Variants in SGCZ observed in about 807,000 individuals in gnomAD.
The protein encoded by SGCZ is sarcoglycan zeta.
A neutral mutation model predicts 41.3 loss-of-function variants in SGCZ; 40 were observed. That is an observed-to-expected ratio of 0.97 (90% CI 0.75 to 1.26). The LOEUF is 1.26. SGCZ is among the 50% of genes most tolerant of loss of function. The probability of loss-of-function intolerance (pLI) is 0.00; values close to 1 mark genes in which losing one functional copy is unlikely to be tolerated. For missense variants in SGCZ, 552 were observed against 369.8 expected (o/e 1.49, Z -4.04); for synonymous variants, 206 against 137.5 (o/e 1.50, Z -3.49).
intron 1 of SGCZ, among the ~76,000 whole-genome samples, chr8:15,041,399 A>T (rs1473002533): frequency 6.6e-6 from 1 of 152,012 alleles, no homozygotes; most frequent in African/African-American, 2.4e-5. Context: ...AGTCCTTTTG[A>T]TACCATATGA....
intron 5 of SGCZ, among the ~76,000 whole-genome samples, chr8:14,121,003 A>C (rs1802680021): frequency 6.6e-6 from 1 of 152,266 alleles, no homozygotes; most frequent in Admixed American, 6.5e-5. Context: ...TTAAGTAGGC[A>C]GATTTTCCTG....
intron 1 of SGCZ, among the ~76,000 whole-genome samples, chr8:14,799,160 T>C (rs1190785914): frequency 6.6e-6 from 1 of 152,046 alleles, no homozygotes; most frequent in Non-Finnish European, 1.5e-5. Context: ...AAAAAAGATA[T>C]AACAATAAGA....
At chr8:14,348,111 G>A (rs1308172324) in intron 2 of SGCZ, among the ~76,000 whole-genome samples, 3 of 151,958 alleles carry the variant, frequency 2.0e-5, no homozygotes, top group African/African-American at 4.8e-5. Flanking sequence ...ACTTCAAGGT[G>A]GTTCATCTGC....
chr8:14,442,206 C>A, intron 2 of SGCZ, among the ~76,000 whole-genome samples: 1 of 152,154 alleles, frequency 6.6e-6, no homozygotes, highest in Non-Finnish European at 1.5e-5. Flanking sequence ...TCCCATGTGT[C>A]ATGGGAGGTA....
intron 1 of SGCZ, among the ~76,000 whole-genome samples, chr8:14,996,901 G>C (rs1442856240): frequency 1.3e-5 from 2 of 152,232 alleles, no homozygotes; most frequent in Non-Finnish European, 2.9e-5. Flanking sequence ...AATTCAGTCA[G>C]TTATTTGCAG....
intron 1 of SGCZ, among the ~76,000 whole-genome samples, chr8:14,964,440 AT>A (rs1011594761): frequency 6.6e-6 from 1 of 152,144 alleles, no homozygotes; most frequent in Non-Finnish European, 1.5e-5. Flanking sequence ...AGAGCTTCAA[AT>A]TTTTTGGAGC....
intron 1 of SGCZ, among the ~76,000 whole-genome samples, chr8:15,084,766 A>T (rs1406433944): frequency 6.6e-6 from 1 of 152,072 alleles, no homozygotes; most frequent in African/African-American, 2.4e-5. Context: ...AAACAAAAGA[A>T]AGAAAGAAAG....
chr8:14,363,174 G>T (rs1803587668), intron 2 of SGCZ, among the ~76,000 whole-genome samples: 4 of 151,964 alleles, frequency 2.6e-5, no homozygotes, highest in Admixed American at 2.6e-4. Context: ...TCTGAAAAAA[G>T]CAATGTGACT....
At chr8:14,382,104 A>T (rs1014754401) in intron 2 of SGCZ, among the ~76,000 whole-genome samples, 6 of 152,110 alleles carry the variant, frequency 3.9e-5, no homozygotes, top group African/African-American at 1.2e-4. Flanking sequence ...AACATTTTTC[A>T]CTACACACTG....
At chr8:14,877,508 G>A (rs147693799) in intron 1 of SGCZ, among the ~76,000 whole-genome samples, 21 of 152,010 alleles carry the variant, frequency 1.4e-4, no homozygotes, top group African/African-American at 5.1e-4. Flanking sequence ...CATTTGATTT[G>A]TATTCCATCA....
chr8:14,802,825 T>A (rs1206065413), intron 1 of SGCZ, among the ~76,000 whole-genome samples: 2 of 152,174 alleles, frequency 1.3e-5, no homozygotes, highest in African/African-American at 2.4e-5. Flanking sequence ...TAGGGTGAAC[T>A]GCAAATGGCT....
intron 6 of SGCZ, among the ~76,000 whole-genome samples, chr8:14,102,705 C>G (rs1802071983): frequency 6.6e-6 from 1 of 152,126 alleles, no homozygotes; most frequent in East Asian, 1.9e-4. Context: ...ATTTTTGGCT[C>G]TTTATAAAAA....
At chr8:14,906,777 T>G (rs1244252089) in intron 1 of SGCZ, among the ~76,000 whole-genome samples, 1 of 152,208 alleles carries the variant, frequency 6.6e-6, no homozygotes, top group Non-Finnish European at 1.5e-5. Flanking sequence ...CTTACAGTCC[T>G]GATTAGCTCT....
At chr8:14,626,044 T>C (rs1238895082) in intron 1 of SGCZ, among the ~76,000 whole-genome samples, 2 of 152,228 alleles carry the variant, frequency 1.3e-5, no homozygotes, top group Admixed American at 6.5e-5. Flanking sequence ...TGAGGAATAG[T>C]GGCTTTTATC....
intron 2 of SGCZ, among the ~76,000 whole-genome samples, chr8:14,425,168 G>A (rs1264503634): frequency 6.6e-6 from 1 of 151,974 alleles, no homozygotes; most frequent in Non-Finnish European, 1.5e-5. Context: ...AGCACTCCAG[G>A]GTTTCATGAA....
At chr8:14,642,593 A>T (rs187941348) in intron 1 of SGCZ, among the ~76,000 whole-genome samples, 110 of 151,600 alleles carry the variant, frequency 7.3e-4, no homozygotes, top group African/African-American at 2.5e-3. Flanking sequence ...CTACAGGGCA[A>T]ATATTTTTCT....
At chr8:14,273,267 T>C (rs943315424) in intron 3 of SGCZ, among the ~76,000 whole-genome samples, 3 of 152,210 alleles carry the variant, frequency 2.0e-5, no homozygotes, top group Non-Finnish European at 2.9e-5. Context: ...CTAGGCTCAG[T>C]GCTGCCATTT....
chr8:14,390,036 A>G (rs1156390857), intron 2 of SGCZ, among the ~76,000 whole-genome samples: 13 of 152,024 alleles, frequency 8.6e-5, no homozygotes, highest in Admixed American at 8.5e-4. Flanking sequence ...AAAAAACAAA[A>G]TGAGTTATCC....
chr8:14,280,686 T>C (rs969785667), intron 3 of SGCZ, among the ~76,000 whole-genome samples: 2 of 151,946 alleles, frequency 1.3e-5, no homozygotes, highest in African/African-American at 4.8e-5. Flanking sequence ...TATCTTGTGG[T>C]GAGAAAAATA....
Sources: gnomAD v4.1 joint callset for allele counts (sites outside exome capture counted in the v4.1 genomes callset) on GRCh38, gnomAD v4.1.1 for gene constraint, MANE v1.5 for transcripts, NCBI Gene and HGNC (gene_info 2026-07-23, HGNC 2026-07-21) for gene names.